GMDS: variants seen among roughly 807,000 people sequenced by gnomAD.
GMDS encodes GDP-mannose 4,6 dehydratase.
Under a neutral mutation model 49.9 loss-of-function variants are expected in GMDS, and 20 were observed. That is an observed-to-expected ratio of 0.40 (90% CI 0.28 to 0.58). The LOEUF (loss-of-function observed/expected upper bound fraction) is 0.58. GMDS is among the 20% of genes least tolerant of loss of function. The pLI is 0.42. For missense variants in GMDS, 362 were observed against 481.4 expected (o/e 0.75, Z 2.32); for synonymous variants, 177 against 178.6 (o/e 0.99, Z 0.07).
chr6:1,915,004 C>G (rs892962058), intron 7 of GMDS, among the ~76,000 whole-genome samples: 1 of 152,228 alleles, frequency 6.6e-6, no homozygotes, highest in Non-Finnish European at 1.5e-5. Context: ...CCATTGCCCA[C>G]CCTGGGCTCC....
intron 4 of GMDS, among the ~76,000 whole-genome samples, chr6:2,017,220 T>C (rs1407824975): frequency 2.0e-5 from 3 of 152,074 alleles, no homozygotes; most frequent in African/African-American, 7.2e-5. Context: ...CACAAAATTT[T>C]CATGCCAGGA....
chr6:1,664,298 AG>A (rs1764172157), intron 9 of GMDS, among the ~76,000 whole-genome samples: 1 of 152,226 alleles, frequency 6.6e-6, no homozygotes, highest in Admixed American at 6.5e-5. Context: ...AGCTGGCCCC[AG>A]ATTTCTGGAT....
At chr6:2,179,821 A>G (rs1778439737) in intron 1 of GMDS, among the ~76,000 whole-genome samples, 1 of 152,126 alleles carries the variant, frequency 6.6e-6, no homozygotes, top group Non-Finnish European at 1.5e-5. Context: ...AGACATTTAG[A>G]AGAAGCCCTG....
chr6:1,848,182 C>A (rs1203114634), intron 7 of GMDS, among the ~76,000 whole-genome samples: 1 of 152,190 alleles, frequency 6.6e-6, no homozygotes, highest in Non-Finnish European at 1.5e-5. Flanking sequence ...CATGTAAAAT[C>A]TCCAAGACCA....
intron 7 of GMDS, among the ~76,000 whole-genome samples, chr6:1,883,996 ATATT>A (rs1355050528): frequency 6.6e-6 from 1 of 152,218 alleles, no homozygotes; most frequent in Non-Finnish European, 1.5e-5. Flanking sequence ...CATCTATATA[ATATT>A]TATTATACAA....
At chr6:1,759,860 T>G (rs1768092638) in intron 7 of GMDS, among the ~76,000 whole-genome samples, 1 of 152,144 alleles carries the variant, frequency 6.6e-6, no homozygotes, top group South Asian at 2.1e-4. Flanking sequence ...CCAGGTGTAT[T>G]TAAACCAGGT....
intron 7 of GMDS, among the ~76,000 whole-genome samples, chr6:1,756,106 A>C (rs1277565442): frequency 6.6e-6 from 1 of 152,270 alleles, no homozygotes; most frequent in Non-Finnish European, 1.5e-5. Flanking sequence ...GGATATGAAC[A>C]GAATTACCAT....
At chr6:1,773,961 T>A (rs1411263432) in intron 7 of GMDS, among the ~76,000 whole-genome samples, 1 of 152,216 alleles carries the variant, frequency 6.6e-6, no homozygotes, top group Non-Finnish European at 1.5e-5. Context: ...GGAACTAAAC[T>A]GAATTTTGAG....
At chr6:2,010,128 G>T (rs553163709) in intron 4 of GMDS, among the ~76,000 whole-genome samples, 16 of 151,900 alleles carry the variant, frequency 1.1e-4, no homozygotes, top group African/African-American at 3.9e-4. Flanking sequence ...GGAGTTCAAG[G>T]CCAGCCTGGC....
At chr6:2,066,974 C>T (rs1476192735) in intron 4 of GMDS, among the ~76,000 whole-genome samples, 1 of 151,776 alleles carries the variant, frequency 6.6e-6, no homozygotes, top group Non-Finnish European at 1.5e-5. Flanking sequence ...TTTTTCAGCA[C>T]CACACCACAC....
intron 1 of GMDS, among the ~76,000 whole-genome samples, chr6:2,192,740 A>G (rs973102113): frequency 1.3e-5 from 2 of 152,226 alleles, no homozygotes; most frequent in African/African-American, 4.8e-5. Context: ...CTGACTGTGC[A>G]GTAGCCCAAC....
intron 7 of GMDS, among the ~76,000 whole-genome samples, chr6:1,786,944 G>A (rs551038507): frequency 7.2e-5 from 11 of 152,204 alleles, no homozygotes; most frequent in South Asian, 4.1e-4. Flanking sequence ...CACCTCACAC[G>A]TACCTACAGC....
At chr6:1,650,899 C>G (rs1283903994) in intron 9 of GMDS, among the ~76,000 whole-genome samples, 1 of 152,196 alleles carries the variant, frequency 6.6e-6, no homozygotes, top group Admixed American at 6.5e-5. Flanking sequence ...TTCTCATCCT[C>G]TGACTCTTAA....
At chr6:1,695,601 A>G (rs1211084545) in intron 9 of GMDS, among the ~76,000 whole-genome samples, 1 of 152,204 alleles carries the variant, frequency 6.6e-6, no homozygotes, top group African/African-American at 2.4e-5. Flanking sequence ...CTTTCTCAAC[A>G]TCAGCATCAG....
intron 1 of GMDS, among the ~76,000 whole-genome samples, chr6:2,240,129 A>G (rs1195129392): frequency 6.6e-6 from 1 of 152,220 alleles, no homozygotes; most frequent in African/African-American, 2.4e-5. Context: ...CACAGTCTTG[A>G]AAGACTCACT....
At chr6:2,174,523 G>A (rs1473101650) in intron 1 of GMDS, among the ~76,000 whole-genome samples, 2 of 152,010 alleles carry the variant, frequency 1.3e-5, no homozygotes, top group Non-Finnish European at 2.9e-5. Context: ...CCACAAACAG[G>A]AATAGAATTT....
rs527695265 is a variant in GMDS at position 1,914,115 on chromosome 6, A to G, written c.771+15988T>C. Reference sequence around the variant, plus strand: ...CATAGAACGTGTGTCAATTATCATGAAAGCGTTTTTTGTTTGTTTTTTTTT... The same window carrying G: ...CATAGAACGTGTGTCAATTATCATGGAAGCGTTTTTTGTTTGTTTTTTTTT... On this transcript the variant is annotated intron_variant, in intron 7 of 10. Coordinates refer to ENST00000380815, the MANE Select transcript of GMDS (RefSeq NM_001500.4). 2.1e-4 allele frequency among the ~76,000 whole-genome samples: 32 copies of G among 149,950 alleles called. 2 individuals carry two copies. The South Asian group carries it at 6.8e-3, about 32-fold the overall frequency.
rs1581557755 is a variant in GMDS at position 2,039,796 on chromosome 6, T to C, written c.345+75975A>G. On this transcript the variant is annotated intron_variant, in intron 4 of 10. Transcript: ENST00000380815. Reference sequence around the variant, plus strand: ...TTTTGAAAGACCCGCCTAAAGCTGTTTTATAGTTAACTTTTAATATAAGCA... The same window carrying C: ...TTTTGAAAGACCCGCCTAAAGCTGTCTTATAGTTAACTTTTAATATAAGCA... Among the ~76,000 whole-genome samples the C allele has an allele frequency of 2.0e-5, 3 of 152,158 alleles. No individual in the cohort carries two copies. The South Asian group carries it at 6.2e-4, about 32-fold the overall frequency.
intron 7 of GMDS, among the ~76,000 whole-genome samples, chr6:1,925,645 A>C (rs2113914640): frequency 6.6e-6 from 1 of 152,336 alleles, no homozygotes; most frequent in South Asian, 2.1e-4. Flanking sequence ...CAAGTAAAAA[A>C]GTGTCAGTCA....
Sources: gnomAD v4.1 joint callset for allele counts (sites outside exome capture counted in the v4.1 genomes callset) on GRCh38, gnomAD v4.1.1 for gene constraint, MANE v1.5 for transcripts, NCBI Gene and HGNC (gene_info 2026-07-23, HGNC 2026-07-21) for gene names.